The following MLLT3 variants were observed in gnomAD, a reference collection of about 807,000 sequenced individuals.
MLLT3 encodes protein AF-9.
Under a neutral mutation model 53.2 loss-of-function variants are expected in MLLT3, and 4 were observed. The ratio of observed to expected loss-of-function variants is 0.08; its 90% CI spans 0.04 to 0.17. The LOEUF is 0.17. Among genes scored for constraint, MLLT3 ranks in the 10% least tolerant of loss-of-function variants. The pLI, the probability that MLLT3 is intolerant of heterozygous loss-of-function variation, is 1.00. For synonymous variants in MLLT3, 283 were observed against 230.6 expected, an observed-to-expected ratio of 1.23 and a Z score of -2.06; for missense variants, 569 against 684.0, an observed-to-expected ratio of 0.83 and a Z score of 1.87.
intron 2 of MLLT3, among the ~76,000 whole-genome samples, chr9:20,600,413 A>G (rs1820392101): frequency 6.6e-6 from 1 of 152,190 alleles, no homozygotes. Flanking sequence ...AGTAATCAAT[A>G]CTTTAGAAAT....
At chr9:20,583,064 C>T (rs983206923) in intron 2 of MLLT3, among the ~76,000 whole-genome samples, 2 of 152,158 alleles carry the variant, frequency 1.3e-5, no homozygotes, top group African/African-American at 4.8e-5. Flanking sequence ...CCTGTAAAAT[C>T]AAAAGCAAGC....
intron 9 of MLLT3, among the ~76,000 whole-genome samples, 199 bp from the exon 10 acceptor site, chr9:20,353,795 C>T (rs746412278): frequency 3.9e-5 from 6 of 152,338 alleles, no homozygotes; most frequent in Admixed American, 6.5e-5. Flanking sequence ...ACCTTTATCA[C>T]ACCAACTTCA....
chr9:20,379,886 C>T (rs10453171), intron 5 of MLLT3, among the ~76,000 whole-genome samples: 16,287 of 151,938 alleles, frequency 0.11, 1,967 homozygotes, highest in African/African-American at 0.29. Flanking sequence ...TAACCATAAA[C>T]TTAAAACAAA....
intron 2 of MLLT3, among the ~76,000 whole-genome samples, chr9:20,570,892 C>T (rs1203983053): frequency 6.6e-6 from 1 of 152,138 alleles, no homozygotes; most frequent in African/African-American, 2.4e-5. Flanking sequence ...TAGATTCTGA[C>T]CTTTAAGCAT....
intron 2 of MLLT3, among the ~76,000 whole-genome samples, chr9:20,489,277 T>C (rs1459398011): frequency 6.6e-6 from 1 of 152,212 alleles, no homozygotes; most frequent in African/African-American, 2.4e-5. Context: ...AGATAGGTTT[T>C]TTATATCTAC....
At chr9:20,577,867 A>G (rs1819693084) in intron 2 of MLLT3, among the ~76,000 whole-genome samples, 1 of 152,228 alleles carries the variant, frequency 6.6e-6, no homozygotes, top group Non-Finnish European at 1.5e-5. Context: ...TCCTGATTAC[A>G]GCAGACATAG....
At chr9:20,599,258 C>G (rs997455148) in intron 2 of MLLT3, among the ~76,000 whole-genome samples, 1 of 149,440 alleles carries the variant, frequency 6.7e-6, no homozygotes, top group South Asian at 2.1e-4. Flanking sequence ...GAGCCAAGAT[C>G]GTGCCACTGC....
At chr9:20,516,178 C>T (rs1817912539) in intron 2 of MLLT3, among the ~76,000 whole-genome samples, 1 of 152,156 alleles carries the variant, frequency 6.6e-6, no homozygotes, top group South Asian at 2.1e-4. Context: ...CCACCTGTGA[C>T]CCACATGAAG....
chr9:20,589,530 C>T (rs193006498), intron 2 of MLLT3, among the ~76,000 whole-genome samples: 2,547 of 149,018 alleles, frequency 0.017, 84 homozygotes, highest in East Asian at 0.14. Context: ...CACATGTATA[C>T]GTATGTAACT....
At chr9:20,429,979 A>G (rs1823226858) in intron 4 of MLLT3, among the ~76,000 whole-genome samples, 1 of 152,190 alleles carries the variant, frequency 6.6e-6, no homozygotes, top group Admixed American at 6.6e-5. Context: ...CATTATTCAC[A>G]TTTAATTGTC....
chr9:20,413,662 C>A, intron 5 of MLLT3, 59 bp downstream of exon 5: 1 of 1,393,156 alleles, frequency 7.2e-7, no homozygotes. Context: ...TATTACAAAG[C>A]TATCCAAAAT....
At chr9:20,354,742 G>A (rs1227442994) in intron 9 of MLLT3, 66 bp downstream of exon 9, 6 of 1,052,154 alleles carry the variant, frequency 5.7e-6, no homozygotes, top group Non-Finnish European at 8.9e-6. Flanking sequence ...GATGATCAAG[G>A]GCAACACAAA....
chr9:20,487,267 T>C (rs1257405855), intron 2 of MLLT3, among the ~76,000 whole-genome samples: 2 of 152,114 alleles, frequency 1.3e-5, no homozygotes, highest in Non-Finnish European at 2.9e-5. Context: ...AAGTGCTCCT[T>C]ATAAAGCAAT....
intron 2 of MLLT3, among the ~76,000 whole-genome samples, chr9:20,491,118 C>A (rs1824937119): frequency 6.6e-6 from 1 of 151,888 alleles, no homozygotes; most frequent in South Asian, 2.1e-4. Flanking sequence ...ATATAACGTC[C>A]TTAAGTCAAC....
At chr9:20,469,358 G>A (rs1041810338) in intron 2 of MLLT3, among the ~76,000 whole-genome samples, 2 of 152,164 alleles carry the variant, frequency 1.3e-5, no homozygotes, top group Non-Finnish European at 2.9e-5. Context: ...AGCACGTTAT[G>A]TAAAAAGCTC....
At chr9:20,382,228 C>A (rs16938044) in intron 5 of MLLT3, among the ~76,000 whole-genome samples, 5,687 of 151,868 alleles carry the variant, frequency 0.037, 313 homozygotes, top group African/African-American at 0.12. Context: ...TGTGGCTTTT[C>A]CTTGTTCCAT....
rs34950474 is a variant in MLLT3, at chr9:20,342,834, GTA to G, written c.*3607_*3608del. On this transcript the variant is annotated 3_prime_UTR_variant, in exon 11 of 11. Coordinates refer to ENST00000380338, the MANE Select transcript of MLLT3 (RefSeq NM_004529.4). ...AAGATTACTCTGATAATATATATGTGTATATATATATATATATGTATATATAA... is the reference window on the plus strand; with the variant it reads ...AAGATTACTCTGATAATATATATGTGTATATATATATATATGTATATATAA... 8.7e-3 allele frequency: 1,432 copies of G among 165,076 alleles called. 6 individuals carry two copies. Among genetic ancestry groups the G allele is most frequent in the Middle Eastern group, 0.017 (7 of 404 alleles). The allele number at this position is 165,076 out of a possible 1,614,324, so 10.2% of individuals were successfully genotyped here.
chr9:20,458,968 A>G (rs1200596854), intron 2 of MLLT3, among the ~76,000 whole-genome samples: 3 of 152,152 alleles, frequency 2.0e-5, no homozygotes, highest in African/African-American at 7.2e-5. Flanking sequence ...TTTGGGTCAG[A>G]AGACTCAGGT....
rs1409067280 is a variant in MLLT3, at chr9:20,621,405, G to A, written c.13-571C>T. 1.3e-5 allele frequency among the ~76,000 whole-genome samples: 2 copies of A among 152,108 alleles called. No homozygotes were observed. Among genetic ancestry groups the A allele is most frequent in the African/African-American group, 4.8e-5 (2 of 41,434 alleles). On this transcript the variant is annotated intron_variant, in intron 1 of 10. Transcript: ENST00000380338. The surrounding 1 kb of genome is among the most constrained non-coding windows in gnomAD (Gnocchi z 7.0). ...GCACAAACTCCCGTGCTCTTGCCAC[G>A]GGGTTCGTGCACAACAAAAATGAGA...
Sources: gnomAD v4.1 joint callset for allele counts (sites outside exome capture counted in the v4.1 genomes callset) on GRCh38, gnomAD v4.1.1 for gene constraint, Gnocchi (gnomAD v3.1) non-coding constraint, MANE v1.5 for transcripts, NCBI Gene and HGNC (gene_info 2026-07-23, HGNC 2026-07-21) for gene names.